PHYHIPL: variants seen among roughly 807,000 people sequenced by gnomAD.
The protein encoded by PHYHIPL is phytanoyl-CoA hydroxylase-interacting protein-like.
PHYHIPL carries 9 observed loss-of-function variants against 33.4 expected under a neutral mutation model. That is an observed-to-expected ratio of 0.27 (90% CI 0.16 to 0.47). PHYHIPL has a LOEUF of 0.47. Among genes scored for constraint, PHYHIPL ranks in the 20% least tolerant of loss-of-function variants. PHYHIPL has a pLI of 0.99. For missense variants in PHYHIPL, 365 were observed against 460.7 expected (o/e 0.79, Z 1.90); for synonymous variants, 153 against 154.1 (o/e 0.99, Z 0.05).
In PHYHIPL at chr10:59,182,646, T is replaced by C. The variant is rs1024769301; in HGVS notation, c.106+5687T>C. Among the ~76,000 whole-genome samples the C allele has an allele frequency of 3.3e-5, 5 of 152,270 alleles. No individual in the cohort carries two copies. In the East Asian group the frequency reaches 7.7e-4, roughly 23 times the overall value. The stretch of plus-strand genomic sequence containing the variant: ...AAACCGTCCTTTGAGCAGACTATAT[T>C]TTATATACATACATTTGAGAGTAAA... On this transcript the variant is annotated intron_variant, in intron 1 of 4. Coordinates refer to ENST00000373880, the MANE Select transcript of PHYHIPL (RefSeq NM_032439.4).
intron 1 of PHYHIPL, among the ~76,000 whole-genome samples, chr10:59,227,532 A>G (rs1839958166): frequency 1.3e-5 from 2 of 152,184 alleles, no homozygotes; most frequent in Admixed American, 6.5e-5. Flanking sequence ...ATGGGGACAA[A>G]CCATAGCAAT....
intron 1 of PHYHIPL, among the ~76,000 whole-genome samples, chr10:59,195,102 CACTG>C (rs1209217978): frequency 9.2e-5 from 14 of 152,178 alleles, no homozygotes; most frequent in African/African-American, 3.4e-4. Context: ...AAAATATTTG[CACTG>C]ACTAATGTTA....
At chr10:59,218,052 C>T (rs988808782) in intron 1 of PHYHIPL, among the ~76,000 whole-genome samples, 9 of 152,094 alleles carry the variant, frequency 5.9e-5, no homozygotes, top group African/African-American at 2.2e-4. Context: ...AGTGGCATTG[C>T]TCGGAGTCAT....
Position 59,236,550 on chromosome 10 carries a change from T to G in PHYHIPL, c.371T>G (p.Leu124Ter). The G allele has an allele frequency of 6.2e-7, 1 of 1,611,368 alleles. No homozygotes were observed. Among genetic ancestry groups the G allele is most frequent in the Non-Finnish European group, 8.5e-7 (1 of 1,178,426 alleles). The change falls in exon 3 of 5, where the codon TTA (leucine) becomes TGA (stop). Residue 124 changes from leucine to a stop codon, truncating the protein, a stop_gained. Coordinates refer to ENST00000373880, the MANE Select transcript of PHYHIPL (RefSeq NM_032439.4). LOFTEE classifies it high-confidence loss of function. ...ATGACTGTCCGTGGACACTGGTTTT[T>G]AAGCCCAAGAACTGAATATACAGTA... ...LPMTVRGHWFLSPRTEYTVAV... is the reference protein window; with the variant it reads ...LPMTVRGHWF
At chr10:59,213,490 G>A (rs934281976) in intron 1 of PHYHIPL, among the ~76,000 whole-genome samples, 12 of 152,144 alleles carry the variant, frequency 7.9e-5, no homozygotes, top group Admixed American at 2.0e-4. Context: ...AACCAGCTAC[G>A]GGTATATTTA....
At chr10:59,183,723 T>G in intron 1 of PHYHIPL, 2 of 970,090 alleles carry the variant, frequency 2.1e-6, no homozygotes, top group Non-Finnish European at 2.5e-6. Flanking sequence ...TAGTTTTGTT[T>G]GTTATGTTAT....
chr10:59,217,544 T>C (rs1839652820), intron 1 of PHYHIPL, among the ~76,000 whole-genome samples: 1 of 151,968 alleles, frequency 6.6e-6, no homozygotes, highest in Admixed American at 6.6e-5. Context: ...TAGCTGCTTC[T>C]CTGTATTCTG....
chr10:59,224,390 G>C (rs1839860389), intron 1 of PHYHIPL, among the ~76,000 whole-genome samples: 1 of 151,950 alleles, frequency 6.6e-6, no homozygotes, highest in South Asian at 2.1e-4. Flanking sequence ...TGGAGGTTGA[G>C]GCTGCAGTGA....
chr10:59,198,344 G>A lies in PHYHIPL; in HGVS notation c.106+21385G>A, dbSNP rs905112398. Reference sequence around the variant, plus strand: ...TTGCGATAGTTTTCTGAGAATGATGGTTTCCAGCTTCATCCATGTCCCTAC... The same window carrying A: ...TTGCGATAGTTTTCTGAGAATGATGATTTCCAGCTTCATCCATGTCCCTAC... On this transcript the variant is annotated intron_variant, in intron 1 of 4. Transcript: ENST00000373880. 5.9e-5 allele frequency among the ~76,000 whole-genome samples: 9 copies of A among 152,106 alleles called. No homozygotes were observed. The East Asian group carries it at 1.7e-3, about 29-fold the overall frequency.
At chr10:59,192,263 G>A (rs1004040776) in intron 1 of PHYHIPL, among the ~76,000 whole-genome samples, 1 of 152,084 alleles carries the variant, frequency 6.6e-6, no homozygotes, top group African/African-American at 2.4e-5. Context: ...AAATGATAAT[G>A]TTTGATACAC....
At chr10:59,182,936 A>T (rs1232207520) in intron 1 of PHYHIPL, among the ~76,000 whole-genome samples, 1 of 152,168 alleles carries the variant, frequency 6.6e-6, no homozygotes, top group Non-Finnish European at 1.5e-5. Flanking sequence ...AAATAAAATA[A>T]TTTTTAAACA....
At position 59,246,740 on chromosome 10, in the gene PHYHIPL, T is replaced by C. The variant is rs566992705; in HGVS notation, c.*1149T>C. On this transcript the variant is annotated 3_prime_UTR_variant, in exon 5 of 5. Coordinates refer to ENST00000373880, the MANE Select transcript of PHYHIPL (RefSeq NM_032439.4). ...GGAAATGTTTTGACTTTACAAAGTA[T>C]AGATGTTGGAACATTAAGAAAAATG... The C allele has an allele frequency of 6.5e-5, 26 of 396,988 alleles. No homozygotes were observed. Among genetic ancestry groups the C allele is most frequent in the African/African-American group, 5.3e-4 (26 of 48,726 alleles). The allele number at this position is 396,988 out of a possible 1,614,324, so 24.6% of individuals were successfully genotyped here. A position where few individuals can be genotyped will look rare whatever the true frequency, so the allele number is the denominator to read the frequency against.
chr10:59,229,953 ATATT>A (rs1476358661), intron 1 of PHYHIPL, among the ~76,000 whole-genome samples: 1 of 152,216 alleles, frequency 6.6e-6, no homozygotes, highest in Non-Finnish European at 1.5e-5. Flanking sequence ...TTCTCAGGCC[ATATT>A]TAGTTTGCTT....
intron 4 of PHYHIPL, among the ~76,000 whole-genome samples, chr10:59,244,302 C>G (rs1840543707): frequency 6.6e-6 from 1 of 152,100 alleles, no homozygotes; most frequent in African/African-American, 2.4e-5. Context: ...CGTGGTGGCT[C>G]ATGCCTGTAA....
At chr10:59,202,010 A>G (rs747932999) in intron 1 of PHYHIPL, among the ~76,000 whole-genome samples, 1 of 152,168 alleles carries the variant, frequency 6.6e-6, no homozygotes, top group Non-Finnish European at 1.5e-5. Context: ...GAGAAAATAT[A>G]TGAGCTATTG....
chr10:59,231,938 TG>T (rs1023302501), intron 1 of PHYHIPL, among the ~76,000 whole-genome samples: 49 of 152,092 alleles, frequency 3.2e-4, no homozygotes, highest in African/African-American at 1.2e-3. Context: ...ACCTCCACCT[TG>T]GGGGGAAAAG....
At chr10:59,173,921 GTTTTTTTTTTTTTTTTTTTT>G (rs368316005), upstream of PHYHIPL, among the ~76,000 whole-genome samples, 35 of 57,554 alleles carry the variant, frequency 6.1e-4, no homozygotes, top group South Asian at 1.3e-3. Context: ...TACTTCTGAG[GTTTTTTTTTTTTTTTTTTTT>G]TTTTTTTTTT....
At chr10:59,223,283 G>T (rs1012669891) in intron 1 of PHYHIPL, among the ~76,000 whole-genome samples, 2 of 152,120 alleles carry the variant, frequency 1.3e-5, no homozygotes, top group Admixed American at 6.5e-5. Flanking sequence ...CTTTAACTTT[G>T]TTCGATCCTT....
At chr10:59,232,516 T>G (rs945970094) in intron 1 of PHYHIPL, among the ~76,000 whole-genome samples, 1 of 151,934 alleles carries the variant, frequency 6.6e-6, no homozygotes, top group African/African-American at 2.4e-5. Flanking sequence ...TGTGAAATAA[T>G]CATTTGTGAC....
Sources: gnomAD v4.1 joint callset for allele counts (sites outside exome capture counted in the v4.1 genomes callset) on GRCh38, gnomAD v4.1.1 for gene constraint, MANE v1.5 for transcripts, NCBI Gene and HGNC (gene_info 2026-07-23, HGNC 2026-07-21) for gene names.